The following SFMBT2 variants were observed in gnomAD, a reference collection of about 807,000 sequenced individuals.
SFMBT2 encodes Scm like with four mbt domains 2, also known as scm-like with four MBT domains protein 2.
In SFMBT2, 38 loss-of-function variants were observed where a neutral mutation model predicts 110.1. That is an observed-to-expected ratio of 0.35 (90% CI 0.27 to 0.45). The LOEUF is 0.45. SFMBT2 is among the 20% of genes least tolerant of loss of function. The pLI is 1.00. For synonymous variants in SFMBT2, 425 were observed against 425.4 expected, an observed-to-expected ratio of 1.00 and a Z score of 0.01; for missense variants, 1,011 against 1,094.9, an observed-to-expected ratio of 0.92 and a Z score of 1.08.
chr10:7,391,820 T>C (rs1845773445), intron 1 of SFMBT2, among the ~76,000 whole-genome samples: 1 of 152,234 alleles, frequency 6.6e-6, no homozygotes, highest in Non-Finnish European at 1.5e-5. Context: ...GAATTCGGAA[T>C]TCCAATCCAT....
Position 7,205,880 on chromosome 10 carries a change from T to C in SFMBT2, c.1379A>G (p.Asp460Gly), listed in dbSNP as rs1839115724. 6.2e-7 allele frequency: 1 copy of C among 1,614,078 alleles called. No individual in the cohort carries two copies. The highest frequency in any genetic ancestry group is 1.1e-5 in the South Asian group (1 of 91,072). ...PEVIVDVESM[D>G]IFPVGWCEAN... ...TTCACACCAGCCCACTGGGAAGATG[T>C]CCATGGATTCCACATCAACAATGAC... is the stretch of plus-strand genomic sequence containing the variant. Residue 460 changes from aspartate to glycine, a missense_variant, in exon 12 of 21, where the codon GAC (aspartate) becomes GGC (glycine). Transcript: ENST00000397167.
intron 4 of SFMBT2, among the ~76,000 whole-genome samples, chr10:7,340,612 T>C (rs776474487): frequency 2.1e-5 from 3 of 140,780 alleles, no homozygotes; most frequent in Non-Finnish European, 4.5e-5. Flanking sequence ...ATGATGATCC[T>C]GCCAAAGCAC....
At chr10:7,243,009 C>T (rs574134539) in intron 9 of SFMBT2, among the ~76,000 whole-genome samples, 1 of 152,322 alleles carries the variant, frequency 6.6e-6, no homozygotes, top group East Asian at 1.9e-4. Flanking sequence ...ACAAACCACA[C>T]TGGTAAACTC....
In SFMBT2 at chr10:7,172,283, C is replaced by A; in HGVS notation, c.2152-125G>T. Reference sequence around the variant, plus strand: ...ACCCTCGGAAATGGAGCCAGTGGTCCCACCCGTGGGCCCTACGAGGCCCTT... The same window carrying A: ...ACCCTCGGAAATGGAGCCAGTGGTCACACCCGTGGGCCCTACGAGGCCCTT... On this transcript the variant is annotated intron_variant, in intron 18 of 20. Coordinates refer to ENST00000397167, the MANE Select transcript of SFMBT2 (RefSeq NM_001387889.1). The surrounding 1 kb of genome is among the most constrained non-coding windows in gnomAD (Gnocchi z 4.6). 1 of 1,453,408 alleles carries A rather than the reference C, an allele frequency of 6.9e-7. No homozygotes were observed. The allele number at this position is 1,453,408 out of a possible 1,614,324, so 90.0% of individuals were successfully genotyped here.
chr10:7,297,890 T>C (rs1842448644), intron 4 of SFMBT2, among the ~76,000 whole-genome samples: 1 of 152,218 alleles, frequency 6.6e-6, no homozygotes, highest in African/African-American at 2.4e-5. Context: ...GCAATCCGTG[T>C]CTGCCTCCCA....
chr10:7,271,717 G>A (rs749474127), intron 7 of SFMBT2, among the ~76,000 whole-genome samples: 6 of 152,194 alleles, frequency 3.9e-5, no homozygotes, highest in African/African-American at 9.7e-5. Context: ...TAAAGAAAGA[G>A]GCTTATTAGA....
At chr10:7,248,488 G>A (rs1840691023) in intron 8 of SFMBT2, 60 bp downstream of exon 8, 2 of 1,403,992 alleles carry the variant, frequency 1.4e-6, no homozygotes, top group Non-Finnish European at 1.0e-6. Context: ...TCTTTGAGTT[G>A]AAAGGCTTAA....
At chr10:7,243,508 AG>A (rs753646777) in intron 9 of SFMBT2, 49 bp downstream of exon 9, 1 of 864,436 alleles carries the variant, frequency 1.2e-6, no homozygotes, top group East Asian at 2.4e-5. Context: ...AATGACAGTA[AG>A]ACACCCTCCT....
intron 4 of SFMBT2, among the ~76,000 whole-genome samples, chr10:7,304,805 CA>C (rs1252724213): frequency 6.6e-6 from 1 of 152,168 alleles, no homozygotes; most frequent in African/African-American, 2.4e-5. Flanking sequence ...CACCGGGTAC[CA>C]AAGTACTACT....
chr10:7,207,876 A>G (rs1839204185), intron 11 of SFMBT2, among the ~76,000 whole-genome samples: 1 of 152,220 alleles, frequency 6.6e-6, no homozygotes, highest in South Asian at 2.1e-4. Context: ...ACATACTATC[A>G]TTGTCATTCA....
rs1843851651 is a variant in SFMBT2 at position 7,340,301 on chromosome 10, G to A, written c.436+27348C>T. Among the ~76,000 whole-genome samples the A allele has an allele frequency of 1.3e-5, 2 of 152,100 alleles. 1 individual carries two copies. Among genetic ancestry groups the A allele is most frequent in the South Asian group, 4.2e-4 (2 of 4,808 alleles). On this transcript the variant is annotated intron_variant, in intron 4 of 20. Transcript: ENST00000397167. ...CTTCATGCTGAGTAGGTGAGGAGGA[G>A]GAGGAGGAGTTGGTCTTGCTGTCTC...
intron 4 of SFMBT2, among the ~76,000 whole-genome samples, chr10:7,335,630 C>G (rs908681082): frequency 1.4e-5 from 2 of 145,196 alleles, no homozygotes; most frequent in Admixed American, 6.8e-5. Context: ...CAACCATATA[C>G]ATAAATTGCA....
intron 9 of SFMBT2, among the ~76,000 whole-genome samples, chr10:7,235,181 T>C (rs1564398401): frequency 6.6e-6 from 1 of 152,170 alleles, no homozygotes. Context: ...GACATTGTTT[T>C]TGGTGCTGGG....
intron 12 of SFMBT2, chr10:7,205,542 G>A: frequency 2.0e-6 from 2 of 985,256 alleles, no homozygotes; most frequent in Non-Finnish European, 2.4e-6. Context: ...ACAATGAATT[G>A]TATAAAAAAC....
intron 4 of SFMBT2, among the ~76,000 whole-genome samples, chr10:7,315,059 A>AGAAG (rs1842962840): frequency 7.3e-6 from 1 of 136,774 alleles, no homozygotes; most frequent in Non-Finnish European, 1.6e-5. Context: ...AAAGAAAGAA[A>AGAAG]GAAAGAAAGA....
intron 4 of SFMBT2, chr10:7,329,628 C>A (rs543733817): frequency 2.2e-6 from 1 of 449,996 alleles, no homozygotes; most frequent in East Asian, 1.6e-4. Context: ...AGATGGAACA[C>A]AGCAAGGCAG....
At chr10:7,204,252 T>C (rs192513026) in intron 12 of SFMBT2, 3 of 716,768 alleles carry the variant, frequency 4.2e-6, no homozygotes, top group South Asian at 6.3e-5. Flanking sequence ...CTCTTAATAA[T>C]GCTAACTAGA....
Position 7,200,601 on chromosome 10 carries a change from A to G in SFMBT2, c.1488-117T>C, listed in dbSNP as rs574770322. On this transcript the variant is annotated intron_variant, in intron 13 of 20. Coordinates refer to ENST00000397167, the MANE Select transcript of SFMBT2 (RefSeq NM_001387889.1). Reference sequence around the variant, plus strand: ...TCCAGAAATCTCAGATAAGAGGACCATAGAATAGAATGTGTGTATGGGAGC... The same window carrying G: ...TCCAGAAATCTCAGATAAGAGGACCGTAGAATAGAATGTGTGTATGGGAGC... The G allele has an allele frequency of 5.4e-6, 4 of 744,466 alleles. No homozygotes were observed. In the South Asian group the frequency reaches 9.6e-5, roughly 18 times the overall value. 46.1% of individuals were successfully genotyped at this position (744,466 alleles called of 1,614,324 possible).
At chr10:7,338,836 C>CA (rs1270994976) in intron 4 of SFMBT2, among the ~76,000 whole-genome samples, 1 of 152,196 alleles carries the variant, frequency 6.6e-6, no homozygotes, top group African/African-American at 2.4e-5. Flanking sequence ...ATGCAGTCTG[C>CA]ACTCTTCCCA....
Sources: gnomAD v4.1 joint callset for allele counts (sites outside exome capture counted in the v4.1 genomes callset) on GRCh38, gnomAD v4.1.1 for gene constraint, Gnocchi (gnomAD v3.1) non-coding constraint, MANE v1.5 for transcripts, NCBI Gene and HGNC (gene_info 2026-07-23, HGNC 2026-07-21) for gene names.